The following ZNF721 variants were observed in gnomAD, a reference collection of about 807,000 sequenced individuals.
ZNF721 encodes the protein zinc finger protein 721.
ZNF721 carries 2 observed loss-of-function variants against 2.4 expected under a neutral mutation model. The observed-to-expected ratio is 0.82, with a 90% CI of 0.34 to 2.58. The LOEUF (loss-of-function observed/expected upper bound fraction) is 2.58. Ranked by LOEUF, ZNF721 falls within the 30% of genes most tolerant of loss-of-function variation. The pLI is 0.11. For synonymous variants in ZNF721, 398 were observed against 381.8 expected (o/e 1.04, Z -0.50); for missense variants, 1,187 against 1,085.5 (o/e 1.09, Z -1.31).
Position 473,350 on chromosome 4 carries a change from G to C in ZNF721, c.-93-649C>G, listed in dbSNP as rs1003487430. 1.4e-4 allele frequency among the ~76,000 whole-genome samples: 21 copies of C among 152,052 alleles called. 1 individual carries two copies. Among genetic ancestry groups the C allele is most frequent in the African/African-American group, 4.3e-4 (18 of 41,392 alleles). On this transcript the variant is annotated intron_variant, in intron 1 of 2. Transcript: ENST00000511833. Reference sequence around the variant, plus strand: ...CTAGAGAAAGCAGACACAGCACACAGAGTCCCTTACCCCAACACAAACGCT... The same window carrying C: ...CTAGAGAAAGCAGACACAGCACACACAGTCCCTTACCCCAACACAAACGCT...
Position 493,171 on chromosome 4 carries a change from TA to T in ZNF721, c.-94+5884del, listed in dbSNP as rs79248295. 3.5e-3 allele frequency among the ~76,000 whole-genome samples: 456 copies of T among 131,824 alleles called. 1 individual carries two copies. Among genetic ancestry groups the T allele is most frequent in the Admixed American group, 4.2e-3 (54 of 12,760 alleles). The allele number at this position is 131,824 out of a possible 152,430, so 86.5% of individuals were successfully genotyped here. A position where few individuals can be genotyped will look rare whatever the true frequency, so the allele number is the denominator to read the frequency against. The stretch of plus-strand genomic sequence containing the variant: ...CATTGCAAAATTATAACTGAGACAG[TA>T]AAAAAAAAAAAAAAAAAATATGGCC... On this transcript the variant is annotated intron_variant, in intron 1 of 2. Coordinates refer to ENST00000511833, the MANE Select transcript of ZNF721 (RefSeq NM_133474.4).
intron 2 of ZNF721, among the ~76,000 whole-genome samples, chr4:461,579 A>C (rs982257026): frequency 2.0e-5 from 3 of 152,216 alleles, no homozygotes; most frequent in Non-Finnish European, 4.4e-5. Context: ...CCTACTCAAA[A>C]TAGTATTGGA....
chr4:463,096 G>A (rs1715120183), intron 2 of ZNF721, among the ~76,000 whole-genome samples: 1 of 152,142 alleles, frequency 6.6e-6, no homozygotes, highest in Admixed American at 6.6e-5. Flanking sequence ...GTGGGCAAAG[G>A]ATATGAACAG....
chr4:482,995 G>C (rs1191806918), intron 1 of ZNF721, among the ~76,000 whole-genome samples: 1 of 152,154 alleles, frequency 6.6e-6, no homozygotes, highest in Non-Finnish European at 1.5e-5. Context: ...AATTGAAAGG[G>C]AAACGCTTAT....
rs1293521101 is a variant in ZNF721, at chr4:442,721, C to A, written c.1746G>T (p.Glu582Asp). ...CACACTCTTCACATTTGTAAGGTTTCTCTCCAGTATGAATTCTCCTATGTA... is the reference window on the plus strand; with the variant it reads ...CACACTCTTCACATTTGTAAGGTTTATCTCCAGTATGAATTCTCCTATGTA... ...LYVHRRIHTG[E>D]KPYKCEECGK... Residue 582 changes from glutamate (E) to aspartate (D), a missense_variant, in exon 3 of 3, where the codon GAG becomes GAT. Physicochemically the swap from Glu to Asp is conservative, Grantham distance 45. Coordinates refer to ENST00000511833, the MANE Select transcript of ZNF721 (RefSeq NM_133474.4). 1.9e-6 allele frequency: 3 copies of A among 1,614,052 alleles called. No individual in the cohort carries two copies. In the Admixed American group the frequency reaches 5.0e-5, roughly 27 times the overall value.
rs1386620772 is a variant in ZNF721, at chr4:499,134, T to C, written c.-172A>G. On this transcript the variant is annotated 5_prime_UTR_variant, in exon 1 of 3. Coordinates refer to ENST00000511833, the MANE Select transcript of ZNF721 (RefSeq NM_133474.4). ...CCGGGAACACCGCCCGCTGTTCGTA[T>C]GTCCGAGGTGACGCCCCGCTGTGGC... The C allele has an allele frequency of 2.0e-5, 12 of 590,800 alleles. No individual in the cohort carries two copies. The highest frequency in any genetic ancestry group is 3.2e-5 in the Non-Finnish European group (11 of 346,782). 36.6% of individuals were successfully genotyped at this position (590,800 alleles called of 1,614,324 possible). A position where few individuals can be genotyped will look rare whatever the true frequency, so the allele number is the denominator to read the frequency against.
intron 1 of ZNF721, among the ~76,000 whole-genome samples, chr4:490,760 G>C (rs572343750): frequency 6.6e-6 from 1 of 152,240 alleles, no homozygotes; most frequent in South Asian, 2.1e-4. Flanking sequence ...CAGTTTATAA[G>C]TGGATGTAAC....
At chr4:495,373 A>AAAAACC (rs1396204215) in intron 1 of ZNF721, among the ~76,000 whole-genome samples, 4 of 151,608 alleles carry the variant, frequency 2.6e-5, no homozygotes, top group African/African-American at 9.7e-5. Context: ...AGAGAAAAAC[A>AAAAACC]AAAACCAAAA....
chr4:443,507 A>T lies in ZNF721; in HGVS notation c.960T>A (p.Leu320=). 6.2e-7 allele frequency: 1 copy of T among 1,612,754 alleles called. No individual in the cohort carries two copies. Among genetic ancestry groups the T allele is most frequent in the Non-Finnish European group, 8.5e-7 (1 of 1,179,618 alleles). ...CGKAFRQSAN[L]YVHRRIHTGE... The stretch of plus-strand genomic sequence containing the variant: ...CAGTATGAATTCTCCTATGTACATA[A>T]AGGTTTGCGGACTGTCTAAAGGCTT... The change falls in exon 3 of 3, where the codon CTT becomes CTA. Residue 320 remains leucine (L), a synonymous_variant. Transcript: ENST00000511833.
At chr4:496,060 A>C (rs1257446702) in intron 1 of ZNF721, among the ~76,000 whole-genome samples, 1 of 152,146 alleles carries the variant, frequency 6.6e-6, no homozygotes. Context: ...TGTAAATAAA[A>C]TCCCTTTAGC....
intron 1 of ZNF721, among the ~76,000 whole-genome samples, chr4:490,349 G>A (rs1257812310): frequency 1.7e-4 from 26 of 151,940 alleles, no homozygotes; most frequent in Admixed American, 8.5e-4. Flanking sequence ...GGTGGCAGGC[G>A]CCTGTAGTCC....
intron 1 of ZNF721, among the ~76,000 whole-genome samples, chr4:496,726 T>G (rs1399052203): frequency 5.6e-5 from 8 of 142,202 alleles, no homozygotes; most frequent in African/African-American, 2.1e-4. Context: ...TTTTTTTTTT[T>G]TTTTTTGAGA....
At chr4:460,596 C>A (rs1051387136) in intron 2 of ZNF721, among the ~76,000 whole-genome samples, 1 of 144,466 alleles carries the variant, frequency 6.9e-6, no homozygotes, top group Non-Finnish European at 1.5e-5. Context: ...CAGAGCAGAA[C>A]TGGAGGAAAT....
At chr4:448,079 A>C (rs1023487609) in intron 2 of ZNF721, among the ~76,000 whole-genome samples, 16 of 152,210 alleles carry the variant, frequency 1.1e-4, no homozygotes, top group Admixed American at 7.2e-4. Context: ...CAGAATTGTA[A>C]AGAACACTGC....
At chr4:465,813 TACAC>T in intron 2 of ZNF721, among the ~76,000 whole-genome samples, 1 of 150,120 alleles carries the variant, frequency 6.7e-6, no homozygotes, top group South Asian at 2.1e-4. Context: ...CTGTAGTAGA[TACAC>T]ACACAAAAAA....
At chr4:446,138 C>T (rs1714464725) in intron 2 of ZNF721, among the ~76,000 whole-genome samples, 2 of 145,520 alleles carry the variant, frequency 1.4e-5, no homozygotes, top group African/African-American at 4.8e-5. Context: ...TAACATAATG[C>T]AAGAAAACCA....
At chr4:475,103 C>T (rs1382588452) in intron 1 of ZNF721, among the ~76,000 whole-genome samples, 1 of 152,014 alleles carries the variant, frequency 6.6e-6, no homozygotes, top group African/African-American at 2.4e-5. Flanking sequence ...AGGAGAATGG[C>T]GTGAACCCAG....
chr4:489,851 T>A (rs1346920250), intron 1 of ZNF721, among the ~76,000 whole-genome samples: 2 of 152,120 alleles, frequency 1.3e-5, no homozygotes, highest in African/African-American at 2.4e-5. Flanking sequence ...ATATTTTGGG[T>A]TTTTAAATTT....
At chr4:453,605 T>C (rs1442128870) in intron 2 of ZNF721, 2 of 152,236 alleles carry the variant, frequency 1.3e-5, no homozygotes, top group Non-Finnish European at 2.9e-5. Context: ...CATGTGTCTT[T>C]GTATCTGAGG....
Sources: allele counts gnomAD v4.1 joint callset (sites outside exome capture counted in the v4.1 genomes callset), GRCh38; gene constraint gnomAD v4.1.1; transcripts MANE v1.5; gene names NCBI Gene and HGNC (gene_info 2026-07-23, HGNC 2026-07-21).